The following EP400 variants were observed in gnomAD, a reference collection of about 807,000 sequenced individuals.
The protein encoded by EP400 is E1A-binding protein p400.
A neutral mutation model predicts 354.1 loss-of-function variants in EP400; 105 were observed. That is an observed-to-expected ratio of 0.30 (90% CI 0.25 to 0.35). The LOEUF is 0.35. Among genes scored for constraint, EP400 ranks in the 10% least tolerant of loss-of-function variants. The pLI is 1.00. For synonymous variants in EP400, 1,646 were observed against 1,716.9 expected, an observed-to-expected ratio of 0.96 and a Z score of 1.02; for missense variants, 3,280 against 4,121.0, an observed-to-expected ratio of 0.80 and a Z score of 5.59.
chr12:132,023,393 T>C (rs1208524614), intron 23 of EP400, among the ~76,000 whole-genome samples: 1 of 149,828 alleles, frequency 6.7e-6, no homozygotes, highest in Non-Finnish European at 1.5e-5. Context: ...TGACCTCATG[T>C]GATCCACCCA....
In EP400 at chr12:132,054,822, G is replaced by A. The variant is rs574078923; in HGVS notation, c.7729-152G>A. ...CAGGTAGACAGAGGGTGGGGGCACC[G>A]CCAGGTGGAATGAGCTGGGGAGGAT... On this transcript the variant is annotated intron_variant, in intron 43 of 52. Transcript: ENST00000389561. The surrounding 1 kb of genome is among the most constrained non-coding windows in gnomAD (Gnocchi z 4.0). 5 of 791,480 alleles carry A rather than the reference G, an allele frequency of 6.3e-6. No individual in the cohort carries two copies. The highest frequency in any genetic ancestry group is 1.7e-5 in the African/African-American group (1 of 58,246). The allele number at this position is 791,480 out of a possible 1,614,324, so 49.0% of individuals were successfully genotyped here. A position where few individuals can be genotyped will look rare whatever the true frequency, so the allele number is the denominator to read the frequency against.
At chr12:131,968,427 C>T (rs1042805347) in intron 2 of EP400, among the ~76,000 whole-genome samples, 1 of 152,170 alleles carries the variant, frequency 6.6e-6, no homozygotes, top group Admixed American at 6.5e-5. Flanking sequence ...CTTCCCGTCT[C>T]TTTATGTGTT....
chr12:132,077,637 C>T lies in EP400; in HGVS notation c.9336C>T (p.Val3112=). ...AGTTACAGATGAGGGTCCCTGCTGTCAGGCTAAAGACACCTACTAAGCCTC... is the reference window on the plus strand; with the variant it reads ...AGTTACAGATGAGGGTCCCTGCTGTTAGGCTAAAGACACCTACTAAGCCTC... ...QPKLQMRVPA[V]RLKTPTKPPC... The change falls in exon 53 of 53, where the codon GTC becomes GTT. Residue 3112 remains valine (V), a synonymous_variant. Coordinates refer to ENST00000389561, the MANE Select transcript of EP400 (RefSeq NM_015409.5). 1 of 1,613,410 alleles carries T rather than the reference C, an allele frequency of 6.2e-7. No homozygotes were observed. Among genetic ancestry groups the T allele is most frequent in the African/African-American group, 1.3e-5 (1 of 75,058 alleles).
chr12:131,997,414 C>T (rs942142584), intron 12 of EP400, among the ~76,000 whole-genome samples: 29 of 151,922 alleles, frequency 1.9e-4, no homozygotes, highest in African/African-American at 6.5e-4. Context: ...GACTATAGTG[C>T]GCGCTACCAC....
rs546928527 is a variant in EP400 at position 131,974,041 on chromosome 12, C to T, written c.1336-5653C>T. 1.3e-4 allele frequency among the ~76,000 whole-genome samples: 20 copies of T among 149,802 alleles called. No homozygotes were observed. In the South Asian group the frequency reaches 1.9e-3, roughly 14 times the overall value. ...TCTTGCTCCGTTGCCAGGCTGAACA[C>T]GATCTCAGCTCACCACAACCTCTGC... On this transcript the variant is annotated intron_variant, in intron 2 of 52. Coordinates refer to ENST00000389561, the MANE Select transcript of EP400 (RefSeq NM_015409.5).
intron 45 of EP400, among the ~76,000 whole-genome samples, chr12:132,057,762 G>A (rs911499327): frequency 9.2e-5 from 14 of 152,218 alleles, no homozygotes; most frequent in African/African-American, 3.1e-4. Context: ...GGCCTGAGGC[G>A]TTTGGAACAT....
intron 30 of EP400, among the ~76,000 whole-genome samples, chr12:132,032,383 T>G (rs1395830590): frequency 6.6e-6 from 1 of 152,236 alleles, no homozygotes; most frequent in Non-Finnish European, 1.5e-5. Context: ...CTATTTTATC[T>G]ATCTATTCCT....
rs73482118 is a variant in EP400 at position 132,070,577 on chromosome 12, T to A, written c.9021+936T>A. Among the ~76,000 whole-genome samples, 21 of 152,372 alleles carry A rather than the reference T, an allele frequency of 1.4e-4. No individual in the cohort carries two copies. The highest frequency in any genetic ancestry group is 4.6e-4 in the African/African-American group (19 of 41,594). ...GCTCTTTCCACTTCTGTGTTAATTT[T>A]AGTTAGCTTAGTTCATACACTACAA... On this transcript the variant is annotated intron_variant, in intron 51 of 52. Transcript: ENST00000389561. The surrounding 1 kb of genome is among the most constrained non-coding windows in gnomAD (Gnocchi z 4.1).
intron 2 of EP400, among the ~76,000 whole-genome samples, chr12:131,974,744 C>G (rs1436612646): frequency 1.3e-5 from 2 of 152,000 alleles, no homozygotes; most frequent in African/African-American, 2.4e-5. Context: ...AATCCCAGCA[C>G]TTTGGGAGGC....
In EP400 at chr12:131,972,793, G is replaced by A. The variant is rs529776402; in HGVS notation, c.1336-6901G>A. On this transcript the variant is annotated intron_variant, in intron 2 of 52. Coordinates refer to ENST00000389561, the MANE Select transcript of EP400 (RefSeq NM_015409.5). ...GTTGTCCAGGCTGGAGTGCAGTGGC[G>A]CGATCTCGACTCACTACAGCCTCTG... 4.2e-5 allele frequency among the ~76,000 whole-genome samples: 6 copies of A among 143,998 alleles called. No individual in the cohort carries two copies. In the South Asian group the frequency reaches 1.1e-3, roughly 26 times the overall value. The allele number at this position is 143,998 out of a possible 152,430, so 94.5% of individuals were successfully genotyped here.
Position 132,006,809 on chromosome 12 carries a change from C to G in EP400, c.3236C>G (p.Ala1079Gly). The change falls in exon 15 of 53, where the codon GCA (alanine) becomes GGA (glycine). Residue 1079 changes from alanine (A) to glycine (G), a missense_variant. Coordinates refer to ENST00000389561, the MANE Select transcript of EP400 (RefSeq NM_015409.5). ...LYRKNLNGIL[A>G]DEAGLGKTVQ... is the part of the protein sequence containing the mutation. ...AGGAAGAATCTCAATGGCATATTGGCAGATGAAGCTGGGCTGGGTAAAACA... is the reference window on the plus strand; with the variant it reads ...AGGAAGAATCTCAATGGCATATTGGGAGATGAAGCTGGGCTGGGTAAAACA... 1 of 1,614,142 alleles carries G rather than the reference C, an allele frequency of 6.2e-7. No individual in the cohort carries two copies. Among genetic ancestry groups the G allele is most frequent in the Non-Finnish European group, 8.5e-7 (1 of 1,180,032 alleles).
chr12:132,024,087 G>A (rs1894216184), intron 24 of EP400, 146 bp downstream of exon 24: 6 of 918,992 alleles, frequency 6.5e-6, no homozygotes, highest in Non-Finnish European at 7.5e-6. Flanking sequence ...TGGGTTCATG[G>A]AAGACCAGCG....
chr12:132,054,110 A>G lies in EP400; in HGVS notation c.7728+513A>G, dbSNP rs772969043. On this transcript the variant is annotated intron_variant, in intron 43 of 52. Coordinates refer to ENST00000389561, the MANE Select transcript of EP400 (RefSeq NM_015409.5). The surrounding 1 kb of genome is among the most constrained non-coding windows in gnomAD (Gnocchi z 4.0). ...GCGGAGCTGCGGACTGTGGCCATGC[A>G]CACCACGCTCTGGTGTATCTCTGTA... 6.6e-6 allele frequency among the ~76,000 whole-genome samples: 1 copy of G among 152,218 alleles called. No homozygotes were observed. The highest frequency in any genetic ancestry group is 1.5e-5 in the Non-Finnish European group (1 of 68,034).
Position 132,066,843 on chromosome 12 carries a change from G to A in EP400, c.8623G>A (p.Val2875Met). The A allele has an allele frequency of 6.2e-7, 1 of 1,614,054 alleles. No individual in the cohort carries two copies. The highest frequency in any genetic ancestry group is 8.5e-7 in the Non-Finnish European group (1 of 1,179,984). Reference sequence around the variant, plus strand: ...GACCCAGGCACCCCAGCCAGCCCAGGTGGCCTTGGCGAAGCCTCCGGTGGT... The same window carrying A: ...GACCCAGGCACCCCAGCCAGCCCAGATGGCCTTGGCGAAGCCTCCGGTGGT... ...MQTQAPQPAQ[V>M]ALAKPPVVSV... is the part of the protein sequence containing the mutation. Residue 2875 changes from valine to methionine, a missense_variant, in exon 49 of 53, where the codon GTG becomes ATG. Physicochemically the swap from Val to Met is conservative, Grantham distance 21. Transcript: ENST00000389561.
In EP400 at chr12:131,982,232, G is replaced by A. The variant is rs1461188784; in HGVS notation, c.1683G>A (p.Leu561=). 2 of 1,614,026 alleles carry A rather than the reference G, an allele frequency of 1.2e-6. No homozygotes were observed. The highest frequency in any genetic ancestry group is 1.7e-5 in the Admixed American group (1 of 60,012). The part of the protein sequence containing the change: ...HTPLPQLPGR[L]PPAGVPTAAL... The stretch of plus-strand genomic sequence containing the variant: ...CACTGCCGCAGCTGCCCGGGAGGCT[G>A]CCCCCAGCCGGTGTTCCCACTGCAG... Residue 561 remains leucine (L), a synonymous_variant, in exon 5 of 53, where the codon CTG becomes CTA. Coordinates refer to ENST00000389561, the MANE Select transcript of EP400 (RefSeq NM_015409.5).
At chr12:132,042,241 G>A (rs1026798877) in intron 32 of EP400, among the ~76,000 whole-genome samples, 3 of 152,144 alleles carry the variant, frequency 2.0e-5, no homozygotes, top group South Asian at 4.1e-4. Context: ...ATGAGCCACC[G>A]TGCCCGGCCA....
intron 48 of EP400, 106 bp downstream of exon 48, chr12:132,064,992 G>A (rs1253059945): frequency 4.1e-6 from 6 of 1,476,354 alleles, no homozygotes; most frequent in Non-Finnish European, 5.4e-6. Flanking sequence ...GAGTGAGTGT[G>A]AGACGGGTTC....
chr12:131,990,665 A>C lies in EP400; in HGVS notation c.2580A>C (p.Leu860Phe), dbSNP rs1321317665. 2 of 1,612,658 alleles carry C rather than the reference A, an allele frequency of 1.2e-6. No individual in the cohort carries two copies. The highest frequency in any genetic ancestry group is 2.2e-5 in the East Asian group (1 of 44,900). Residue 860 changes from leucine (L) to phenylalanine (F), a missense_variant, in exon 9 of 53, where the codon TTA becomes TTC. By Grantham distance (22) the Leu-to-Phe change is conservative (BLOSUM62 0). This residue lies in a region of EP400 where 800 missense variants were observed against 840.0 expected (regional missense o/e 0.95). Transcript: ENST00000389561. The surrounding 1 kb of genome is among the most constrained non-coding windows in gnomAD (Gnocchi z 4.2). ...QVVEIKLRVE[L>F]EEKRKKALNL... ...TGGAAATAAAACTACGAGTAGAATTAGAAGAAAAAAGGAAGAAGGCCTTAA... is the reference window on the plus strand; with the variant it reads ...TGGAAATAAAACTACGAGTAGAATTCGAAGAAAAAAGGAAGAAGGCCTTAA...
At chr12:131,989,234 A>G (rs1017451636) in intron 7 of EP400, among the ~76,000 whole-genome samples, 208 of 152,336 alleles carry the variant, frequency 1.4e-3, no homozygotes, top group African/African-American at 4.9e-3. Context: ...TGAGTGATGC[A>G]TCTGCAGCCA....
Sources: allele counts gnomAD v4.1 joint callset (sites outside exome capture counted in the v4.1 genomes callset), GRCh38; gene constraint gnomAD v4.1.1; regional missense constraint gnomAD v4.1.1; non-coding constraint Gnocchi (gnomAD v3.1); transcripts MANE v1.5; gene names NCBI Gene and HGNC (gene_info 2026-07-23, HGNC 2026-07-21).